The following R3HDM1 variants were observed in gnomAD, a reference collection of about 807,000 sequenced individuals.
The protein encoded by R3HDM1 is R3H domain-containing protein 1.
A neutral mutation model predicts 141.1 loss-of-function variants in R3HDM1; 46 were observed. That is an observed-to-expected ratio of 0.33 (90% CI 0.26 to 0.42). R3HDM1 has a LOEUF of 0.42. R3HDM1 is among the 10% of genes least tolerant of loss of function. R3HDM1 has a pLI of 1.00. For synonymous variants in R3HDM1, 435 were observed against 472.9 expected (o/e 0.92, Z 1.04); for missense variants, 1,184 against 1,368.3 (o/e 0.87, Z 2.12).
chr2:135,539,996 C>A (rs1298431869), intron 1 of R3HDM1, among the ~76,000 whole-genome samples: 1 of 152,236 alleles, frequency 6.6e-6, no homozygotes, highest in Non-Finnish European at 1.5e-5. Flanking sequence ...ATTTTACCCC[C>A]AGTAGAACTT....
rs1007706361 is a variant in R3HDM1 at position 135,616,852 on chromosome 2, T to G, written c.303+95T>G. ...TGTGTTTGTTATATTTGTTTTATTT[T>G]GACTAAATGAAACTTATTCAATAAT... is the stretch of plus-strand genomic sequence containing the variant. On this transcript the variant is annotated intron_variant, in intron 5 of 26. Transcript: ENST00000683871. The G allele has an allele frequency of 2.7e-6, 3 of 1,126,720 alleles. No homozygotes were observed. The African/African-American group carries it at 4.7e-5, about 18-fold the overall frequency. The allele number at this position is 1,126,720 out of a possible 1,614,324, so 69.8% of individuals were successfully genotyped here.
At chr2:135,610,986 T>C (rs2060483042) in intron 3 of R3HDM1, among the ~76,000 whole-genome samples, 2 of 152,038 alleles carry the variant, frequency 1.3e-5, no homozygotes, top group Non-Finnish European at 2.9e-5. Flanking sequence ...GGTACATACC[T>C]GTAGTCACAG....
chr2:135,703,881 A>G (rs546640685), intron 21 of R3HDM1, among the ~76,000 whole-genome samples: 2 of 152,238 alleles, frequency 1.3e-5, no homozygotes, highest in South Asian at 2.1e-4. Flanking sequence ...GGAAATTACT[A>G]TGACTTTGAG....
intron 19 of R3HDM1, among the ~76,000 whole-genome samples, chr2:135,666,636 C>CGG (rs960697433): frequency 8.3e-4 from 127 of 152,236 alleles, no homozygotes; most frequent in African/African-American, 2.6e-3. Context: ...GCAATAAACT[C>CGG]TGTGTGACTG....
intron 1 of R3HDM1, among the ~76,000 whole-genome samples, chr2:135,545,710 A>C (rs1698547045): frequency 6.6e-6 from 1 of 152,196 alleles, no homozygotes; most frequent in African/African-American, 2.4e-5. Flanking sequence ...TACGTGAATC[A>C]TTCCCACAGT....
intron 18 of R3HDM1, among the ~76,000 whole-genome samples, 161 bp from the exon 19 acceptor site, chr2:135,661,105 CTTTG>C (rs10543214): frequency 0.072 from 10,896 of 151,956 alleles, 783 homozygotes; most frequent in African/African-American, 0.19. Flanking sequence ...TTTATGCATA[CTTTG>C]TTTGAATTTT....
intron 1 of R3HDM1, among the ~76,000 whole-genome samples, chr2:135,570,066 G>A (rs1703765777): frequency 6.6e-6 from 1 of 152,086 alleles, no homozygotes. Flanking sequence ...TCCATTTGTT[G>A]TTTTCATTCA....
chr2:135,564,015 G>T (rs902018223), intron 1 of R3HDM1, among the ~76,000 whole-genome samples: 3 of 152,084 alleles, frequency 2.0e-5, no homozygotes, highest in African/African-American at 7.2e-5. Flanking sequence ...CATCCTCTAT[G>T]ATCTCAGAGC....
intron 5 of R3HDM1, chr2:135,620,390 C>T: frequency 1.2e-6 from 1 of 833,484 alleles, no homozygotes; most frequent in Non-Finnish European, 1.4e-6. Flanking sequence ...AAATTACTTA[C>T]TGGTTGATGA....
At chr2:135,600,033 C>G (rs2059491290) in intron 1 of R3HDM1, among the ~76,000 whole-genome samples, 1 of 134,718 alleles carries the variant, frequency 7.4e-6, no homozygotes. Context: ...GACCTTGTCT[C>G]TAAAAAAAAA....
At chr2:135,532,205 A>G (rs535717477) in intron 1 of R3HDM1, among the ~76,000 whole-genome samples, 35 of 152,362 alleles carry the variant, frequency 2.3e-4, no homozygotes, top group Admixed American at 2.0e-3. Flanking sequence ...AAATGTAGGT[A>G]CATTTTCCCT....
intron 24 of R3HDM1, among the ~76,000 whole-genome samples, chr2:135,718,680 C>T (rs1419839626): frequency 6.6e-6 from 1 of 152,012 alleles, no homozygotes; most frequent in Non-Finnish European, 1.5e-5. Flanking sequence ...CAGGGTTTCA[C>T]CATGTTGCCC....
rs942195523 is a variant in R3HDM1 at position 135,566,752 on chromosome 2, A to G, written c.-250+35119A>G. 2.0e-5 allele frequency: 20 copies of G among 985,252 alleles called. No individual in the cohort carries two copies. In the African/African-American group the frequency reaches 3.3e-4, roughly 16 times the overall value. The allele number at this position is 985,252 out of a possible 1,614,324, so 61.0% of individuals were successfully genotyped here. A position where few individuals can be genotyped will look rare whatever the true frequency, so the allele number is the denominator to read the frequency against. On this transcript the variant is annotated intron_variant, in intron 1 of 26. Transcript: ENST00000683871. ...ATGGTTCTAGGGAAGGAAATGATCA[A>G]AACTGTAAGCCCAGCGCGGTGGCTC... is the stretch of plus-strand genomic sequence containing the variant.
chr2:135,651,717 C>A lies in R3HDM1; in HGVS notation c.1726-13C>A. The A allele has an allele frequency of 6.3e-7, 1 of 1,584,190 alleles. No homozygotes were observed. The highest frequency in any genetic ancestry group is 2.3e-5 in the East Asian group (1 of 44,332). On this transcript the variant is annotated splice_polypyrimidine_tract_variant and intron_variant, in intron 17 of 26. Coordinates refer to ENST00000683871, the MANE Select transcript of R3HDM1 (RefSeq NM_001378107.1). ...TAGAAGGCTTACTAATTTTTGACTT[C>A]TTCCTTTTTTAGCAGGATAACCTAG...
intron 1 of R3HDM1, among the ~76,000 whole-genome samples, chr2:135,554,568 T>C (rs997203506): frequency 6.6e-6 from 1 of 152,242 alleles, no homozygotes; most frequent in African/African-American, 2.4e-5. Context: ...ATGTTTAACC[T>C]TTTGAGAAAC....
intron 1 of R3HDM1, among the ~76,000 whole-genome samples, chr2:135,573,669 G>A (rs957079542): frequency 2.4e-4 from 37 of 152,012 alleles, no homozygotes; most frequent in African/African-American, 8.7e-4. Flanking sequence ...ATAAGAAGAG[G>A]AGAAGCACCC....
At chr2:135,542,049 C>G (rs977741382) in intron 1 of R3HDM1, among the ~76,000 whole-genome samples, 2 of 152,036 alleles carry the variant, frequency 1.3e-5, no homozygotes, top group Non-Finnish European at 2.9e-5. Flanking sequence ...GTACCTTATA[C>G]TCATAGCCTA....
intron 7 of R3HDM1, 73 bp from the exon 8 acceptor site, chr2:135,631,645 T>A: frequency 1.6e-6 from 2 of 1,288,728 alleles, no homozygotes; most frequent in Non-Finnish European, 2.1e-6. Context: ...GCTGTATAAA[T>A]CATAGGCTGT....
chr2:135,680,317 A>G lies in R3HDM1; in HGVS notation c.2452A>G (p.Asn818Asp), dbSNP rs2070039084. 8 of 1,613,844 alleles carry G rather than the reference A, an allele frequency of 5.0e-6. No individual in the cohort carries two copies. The highest frequency in any genetic ancestry group is 5.9e-6 in the Non-Finnish European group (7 of 1,179,908). Residue 818 changes from asparagine (N) to aspartate (D), a missense_variant, in exon 21 of 27, where the codon AAT becomes GAT. Asn to Asp is a conservative substitution (Grantham distance 23). Transcript: ENST00000683871. ...YSVIPPGQQNNLSSSVGYLQH... is the reference protein window; with the variant it reads ...YSVIPPGQQNDLSSSVGYLQH... ...TGTCATTCCACCTGGTCAACAAAACAATTTAAGGTGAGTATGACTGAGTAA... is the reference window on the plus strand; with the variant it reads ...TGTCATTCCACCTGGTCAACAAAACGATTTAAGGTGAGTATGACTGAGTAA...
Sources: allele counts gnomAD v4.1 joint callset (sites outside exome capture counted in the v4.1 genomes callset), GRCh38; gene constraint gnomAD v4.1.1; transcripts MANE v1.5; gene names NCBI Gene and HGNC (gene_info 2026-07-23, HGNC 2026-07-21).